PRR16: variants seen among roughly 807,000 people sequenced by gnomAD.
The protein encoded by PRR16 is protein Largen.
A neutral mutation model predicts 18.2 loss-of-function variants in PRR16; 6 were observed. The ratio of observed to expected loss-of-function variants is 0.33; its 90% CI spans 0.18 to 0.65. The LOEUF (loss-of-function observed/expected upper bound fraction) is 0.65. Ranked by LOEUF, PRR16 falls within the 30% of genes least tolerant of loss-of-function variation. The pLI is 0.74. For synonymous variants in PRR16, 151 were observed against 147.8 expected, an observed-to-expected ratio of 1.02 and a Z score of -0.16; for missense variants, 412 against 376.6, an observed-to-expected ratio of 1.09 and a Z score of -0.78.
chr5:120,566,028 A>T (rs1004655257), intron 1 of PRR16, among the ~76,000 whole-genome samples: 1 of 152,216 alleles, frequency 6.6e-6, no homozygotes, highest in Non-Finnish European at 1.5e-5. Flanking sequence ...TCCAAAACTT[A>T]TGTTGAAATT....
At chr5:120,761,678 G>A in the PRR16 span, among the ~76,000 whole-genome samples, 3 of 152,086 alleles carry the variant, frequency 2.0e-5, no homozygotes, top group Non-Finnish European at 2.9e-5. Context: ...GATCAAGACA[G>A]GGTATTAAAG....
intron 1 of PRR16, among the ~76,000 whole-genome samples, chr5:120,586,900 C>A (rs1268122498): frequency 6.6e-6 from 1 of 152,092 alleles, no homozygotes; most frequent in East Asian, 1.9e-4. Flanking sequence ...CCAAGACAGG[C>A]CAAAAGCTAG....
the PRR16 span, among the ~76,000 whole-genome samples, chr5:120,693,229 G>A: frequency 7.3e-4 from 111 of 152,264 alleles, no homozygotes; most frequent in Non-Finnish European, 1.4e-3. Flanking sequence ...AAGTGCTCCT[G>A]ATAGAGCACT....
chr5:120,777,893 A>T, the PRR16 span, among the ~76,000 whole-genome samples: 1 of 152,150 alleles, frequency 6.6e-6, no homozygotes, highest in Non-Finnish European at 1.5e-5. Flanking sequence ...AGTTGACTTT[A>T]TTAGACTCTA....
the PRR16 span, among the ~76,000 whole-genome samples, chr5:120,695,449 A>T: frequency 6.3e-4 from 96 of 152,024 alleles, 1 homozygote; most frequent in Non-Finnish European, 1.0e-3. Flanking sequence ...ACTTTTTGCC[A>T]TGTCTTCCTT....
chr5:120,502,516 T>C lies in PRR16; in HGVS notation c.159+37871T>C, dbSNP rs571640259. 5.3e-5 allele frequency among the ~76,000 whole-genome samples: 8 copies of C among 152,204 alleles called. 1 individual carries two copies. Among genetic ancestry groups the C allele is most frequent in the African/African-American group, 1.9e-4 (8 of 41,548 alleles). On this transcript the variant is annotated intron_variant, in intron 1 of 1. Transcript: ENST00000407149. The stretch of plus-strand genomic sequence containing the variant: ...ATCTTCTATGTGTTTGTGACAGGAA[T>C]GTTTTAAATGGTAGAAAACAGAAAC...
intron 1 of PRR16, among the ~76,000 whole-genome samples, chr5:120,517,718 C>T (rs1751044213): frequency 6.6e-6 from 1 of 152,006 alleles, no homozygotes; most frequent in African/African-American, 2.4e-5. Flanking sequence ...GAAGAGTGTT[C>T]CTAGGGAAAA....
chr5:120,670,940 A>C (rs977954736), intron 1 of PRR16, among the ~76,000 whole-genome samples: 1 of 152,192 alleles, frequency 6.6e-6, no homozygotes, highest in Non-Finnish European at 1.5e-5. Flanking sequence ...TTCTGTTTCA[A>C]CTGCTAGTGA....
intron 1 of PRR16, among the ~76,000 whole-genome samples, chr5:120,665,388 T>G (rs192419076): frequency 0.016 from 2,391 of 152,066 alleles, 27 homozygotes; most frequent in Non-Finnish European, 0.021. Flanking sequence ...TTGTGAAAAT[T>G]TTCTCCCATT....
chr5:120,527,665 G>A (rs1751415160), intron 1 of PRR16, among the ~76,000 whole-genome samples: 1 of 152,190 alleles, frequency 6.6e-6, no homozygotes, highest in Admixed American at 6.5e-5. Flanking sequence ...TCTAAAAGAA[G>A]GTTCTTGGAT....
At chr5:120,611,065 G>A (rs1269373412) in intron 1 of PRR16, among the ~76,000 whole-genome samples, 6 of 152,176 alleles carry the variant, frequency 3.9e-5, no homozygotes, top group African/African-American at 7.2e-5. Context: ...CTCTTGTTAC[G>A]TGTTAGCAAA....
chr5:120,781,458 C>G, the PRR16 span: 1 of 152,110 alleles, frequency 6.6e-6, no homozygotes, highest in Non-Finnish European at 1.5e-5. Flanking sequence ...CTAGAGGAAA[C>G]AGAGCAAAGT....
the PRR16 span, among the ~76,000 whole-genome samples, chr5:120,746,648 C>T: frequency 6.6e-6 from 1 of 152,108 alleles, no homozygotes; most frequent in Non-Finnish European, 1.5e-5. Context: ...TGCCCAGGTC[C>T]TAGCTCCAGA....
chr5:120,541,348 G>T (rs755919005), intron 1 of PRR16, among the ~76,000 whole-genome samples: 3 of 152,148 alleles, frequency 2.0e-5, no homozygotes, highest in Non-Finnish European at 4.4e-5. Context: ...GTTTCACTAT[G>T]TTGGCCAGGC....
At chr5:120,786,550 GTATCA>G in the PRR16 span, among the ~76,000 whole-genome samples, 10 of 148,038 alleles carry the variant, frequency 6.8e-5, no homozygotes, top group African/African-American at 2.2e-4. Flanking sequence ...TTTAAATTAA[GTATCA>G]TATATTTTAT....
the PRR16 span, among the ~76,000 whole-genome samples, chr5:120,751,441 C>CTATT: frequency 2.6e-5 from 4 of 152,016 alleles, no homozygotes; most frequent in Non-Finnish European, 5.9e-5. Context: ...CCAGCACTCC[C>CTATT]TATTTTTTGA....
rs978703189 is a variant in PRR16, at chr5:120,665,634, G to A, written c.160-20320G>A. Among the ~76,000 whole-genome samples, 24 of 151,984 alleles carry A rather than the reference G, an allele frequency of 1.6e-4. No individual in the cohort carries two copies. The South Asian group carries it at 2.7e-3, about 17-fold the overall frequency. On this transcript the variant is annotated intron_variant, in intron 1 of 1. Transcript: ENST00000407149. ...TAATCCATCTCGAATTAATTTTTGTGTAAGGTGTAAGGAAGGGATCCAGTT... is the reference window on the plus strand; with the variant it reads ...TAATCCATCTCGAATTAATTTTTGTATAAGGTGTAAGGAAGGGATCCAGTT...
chr5:120,776,690 ATTG>A, the PRR16 span, among the ~76,000 whole-genome samples: 1 of 152,122 alleles, frequency 6.6e-6, no homozygotes, highest in Non-Finnish European at 1.5e-5. Flanking sequence ...GATAACAGAT[ATTG>A]TTTAAATTTC....
the PRR16 span, among the ~76,000 whole-genome samples, chr5:120,789,216 G>A: frequency 2.0e-5 from 3 of 151,920 alleles, no homozygotes; most frequent in African/African-American, 7.3e-5. Context: ...ACCTATTATT[G>A]TGAGTGTAAG....
Sources: gnomAD v4.1 joint callset for allele counts (sites outside exome capture counted in the v4.1 genomes callset) on GRCh38, gnomAD v4.1.1 for gene constraint, MANE v1.5 for transcripts, NCBI Gene and HGNC (gene_info 2026-07-23, HGNC 2026-07-21) for gene names.